LHFPL3: variants seen among roughly 807,000 people sequenced by gnomAD.
LHFPL3 encodes the protein LHFPL tetraspan subfamily member 3.
Under a neutral mutation model 19.3 loss-of-function variants are expected in LHFPL3, and 5 were observed. The ratio of observed to expected loss-of-function variants is 0.26; its 90% CI spans 0.14 to 0.54. The LOEUF (loss-of-function observed/expected upper bound fraction) is 0.54, where lower values mean the gene tolerates loss of function less well. Ranked by LOEUF, LHFPL3 falls within the 20% of genes least tolerant of loss-of-function variation. The pLI, the probability that LHFPL3 is intolerant of heterozygous loss-of-function variation, is 0.94. For missense variants in LHFPL3, 249 were observed against 307.4 expected (o/e 0.81, Z 1.42); for synonymous variants, 133 against 126.2 (o/e 1.05, Z -0.36).
At chr7:104,501,240 T>C (rs1336935680) in intron 1 of LHFPL3, among the ~76,000 whole-genome samples, 2 of 152,222 alleles carry the variant, frequency 1.3e-5, no homozygotes, top group Admixed American at 1.3e-4. Context: ...ACAGACTCTT[T>C]ACAATGTAAT....
chr7:104,618,492 A>G (rs887477199), intron 1 of LHFPL3, among the ~76,000 whole-genome samples: 8 of 152,198 alleles, frequency 5.3e-5, no homozygotes, highest in African/African-American at 1.9e-4. Flanking sequence ...TGGAGTCCAC[A>G]TTCTTAAATA....
intron 1 of LHFPL3, among the ~76,000 whole-genome samples, chr7:104,350,009 T>A (rs1790143144): frequency 6.6e-6 from 1 of 152,204 alleles, no homozygotes; most frequent in African/African-American, 2.4e-5. Context: ...CTATGTATTA[T>A]CTCATTTAAT....
At chr7:104,543,091 T>G (rs1384981806) in intron 1 of LHFPL3, among the ~76,000 whole-genome samples, 1 of 151,882 alleles carries the variant, frequency 6.6e-6, no homozygotes, top group Non-Finnish European at 1.5e-5. Context: ...TCATTAAGTG[T>G]GAGTTGAACA....
chr7:104,428,781 A>C (rs1406500219), intron 1 of LHFPL3, among the ~76,000 whole-genome samples: 1 of 152,176 alleles, frequency 6.6e-6, no homozygotes, highest in East Asian at 1.9e-4. Context: ...ATGTTTCTAC[A>C]TCCAAAAACC....
intron 1 of LHFPL3, among the ~76,000 whole-genome samples, chr7:104,374,514 A>G (rs1317203819): frequency 6.6e-6 from 1 of 152,152 alleles, no homozygotes; most frequent in East Asian, 1.9e-4. Context: ...TGCTGGGATT[A>G]CAGGTGAGAG....
intron 2 of LHFPL3, among the ~76,000 whole-genome samples, chr7:104,896,717 G>C (rs1322926235): frequency 1.3e-5 from 2 of 152,182 alleles, no homozygotes; most frequent in East Asian, 3.9e-4. Flanking sequence ...GGCTGGAGCA[G>C]GGAGAGGCCA....
intron 1 of LHFPL3, among the ~76,000 whole-genome samples, chr7:104,405,237 C>A (rs886941228): frequency 6.6e-6 from 1 of 152,096 alleles, no homozygotes; most frequent in Non-Finnish European, 1.5e-5. Context: ...GAATTATAGA[C>A]TGAAGTAAAA....
At chr7:104,487,233 T>A (rs1471184809) in intron 1 of LHFPL3, among the ~76,000 whole-genome samples, 1 of 152,246 alleles carries the variant, frequency 6.6e-6, no homozygotes, top group South Asian at 2.1e-4. Context: ...TATTCCTGAT[T>A]ACACAACCAT....
intron 1 of LHFPL3, among the ~76,000 whole-genome samples, chr7:104,379,487 G>A (rs1321290859): frequency 6.6e-6 from 1 of 152,310 alleles, no homozygotes; most frequent in East Asian, 1.9e-4. Context: ...TAAGGATAAT[G>A]ATGCATTGAG....
chr7:104,899,360 T>C (rs956151073), intron 2 of LHFPL3, among the ~76,000 whole-genome samples: 1 of 152,048 alleles, frequency 6.6e-6, no homozygotes, highest in African/African-American at 2.4e-5. Context: ...ATTTAACCAC[T>C]GAACTATATG....
chr7:104,334,985 G>A (rs999483375), intron 1 of LHFPL3, among the ~76,000 whole-genome samples: 1 of 152,062 alleles, frequency 6.6e-6, no homozygotes, highest in Admixed American at 6.5e-5. Flanking sequence ...GTCCTTCCAG[G>A]CTTTCCCACT....
intron 1 of LHFPL3, among the ~76,000 whole-genome samples, chr7:104,711,182 G>A (rs1047632354): frequency 1.3e-5 from 2 of 152,200 alleles, no homozygotes; most frequent in East Asian, 1.9e-4. Flanking sequence ...GTTATCAGAG[G>A]TATTCAAGTT....
intron 1 of LHFPL3, among the ~76,000 whole-genome samples, chr7:104,572,029 G>T (rs1017333475): frequency 6.6e-6 from 1 of 152,114 alleles, no homozygotes; most frequent in Non-Finnish European, 1.5e-5. Flanking sequence ...CCTTCTGGTC[G>T]TCAGTCTGTT....
chr7:104,712,209 T>A (rs1793311112), intron 1 of LHFPL3, among the ~76,000 whole-genome samples: 1 of 152,174 alleles, frequency 6.6e-6, no homozygotes, highest in Non-Finnish European at 1.5e-5. Flanking sequence ...ACCAAATGTC[T>A]TAAGTCAGTT....
At chr7:104,894,653 A>T (rs1320189891) in intron 2 of LHFPL3, 1 of 152,160 alleles carries the variant, frequency 6.6e-6, no homozygotes, top group Non-Finnish European at 1.5e-5. Context: ...TTATTTTATT[A>T]TTTGTTGAAA....
chr7:104,672,512 A>G (rs1274724331), intron 1 of LHFPL3, among the ~76,000 whole-genome samples: 1 of 152,200 alleles, frequency 6.6e-6, no homozygotes, highest in Non-Finnish European at 1.5e-5. Context: ...ATAAATGAAT[A>G]ATCTCAGCGG....
At chr7:104,731,876 T>C (rs1045486557) in intron 1 of LHFPL3, among the ~76,000 whole-genome samples, 2 of 152,184 alleles carry the variant, frequency 1.3e-5, no homozygotes, top group African/African-American at 4.8e-5. Context: ...TAAATAGCTC[T>C]TATTATTTTG....
At chr7:104,834,007 A>G (rs1048462117) in intron 2 of LHFPL3, among the ~76,000 whole-genome samples, 1 of 149,040 alleles carries the variant, frequency 6.7e-6, no homozygotes, top group African/African-American at 2.5e-5. Context: ...TGAAGAATTT[A>G]GAGTCCGATG....
At chr7:104,570,137 A>C (rs549619163) in intron 1 of LHFPL3, among the ~76,000 whole-genome samples, 1 of 152,284 alleles carries the variant, frequency 6.6e-6, no homozygotes, top group East Asian at 1.9e-4. Flanking sequence ...CAGCCATTGG[A>C]AAATTGTGGG....
Sources: allele counts gnomAD v4.1 joint callset (sites outside exome capture counted in the v4.1 genomes callset), GRCh38; gene constraint gnomAD v4.1.1; transcripts MANE v1.5; gene names NCBI Gene and HGNC (gene_info 2026-07-23, HGNC 2026-07-21).